Variants in STAU2 observed in about 807,000 individuals in gnomAD.
STAU2 encodes staufen double-stranded RNA binding protein 2.
In STAU2, 20 loss-of-function variants were observed where a neutral mutation model predicts 65.9. The ratio of observed to expected loss-of-function variants is 0.30; its 90% confidence interval spans 0.21 to 0.44. The LOEUF is 0.44. Among genes scored for constraint, STAU2 ranks in the 20% least tolerant of loss-of-function variants. The pLI, the probability that STAU2 is intolerant of heterozygous loss-of-function variation, is 1.00. For synonymous variants in STAU2, 232 were observed against 233.9 expected (o/e 0.99, Z 0.07); for missense variants, 558 against 683.9 (o/e 0.82, Z 2.05).
intron 13 of STAU2, among the ~76,000 whole-genome samples, chr8:73,463,707 T>C (rs1819498254): frequency 6.6e-6 from 1 of 152,218 alleles, no homozygotes; most frequent in South Asian, 2.1e-4. Flanking sequence ...AAACAGGAAA[T>C]TTCCTCTGTT....
intron 13 of STAU2, among the ~76,000 whole-genome samples, chr8:73,446,873 A>G (rs571935229): frequency 3.9e-5 from 6 of 152,270 alleles, no homozygotes; most frequent in East Asian, 1.9e-4. Flanking sequence ...ATCAACTCCA[A>G]TCTCATGTCA....
At chr8:73,501,345 T>TA (rs1157261765) in intron 13 of STAU2, among the ~76,000 whole-genome samples, 1 of 151,950 alleles carries the variant, frequency 6.6e-6, no homozygotes, top group Non-Finnish European at 1.5e-5. Flanking sequence ...TACATCTCTA[T>TA]ACAAAGAAAA....
At chr8:73,613,679 C>T (rs1586123882) in intron 9 of STAU2, 65 bp downstream of exon 9, 1 of 1,278,296 alleles carries the variant, frequency 7.8e-7, no homozygotes, top group Non-Finnish European at 1.1e-6. Context: ...TAGAAAAATG[C>T]TTATCTATAG....
chr8:73,541,563 A>T (rs1806546471), intron 13 of STAU2, among the ~76,000 whole-genome samples: 1 of 152,244 alleles, frequency 6.6e-6, no homozygotes, highest in South Asian at 2.1e-4. Context: ...TGCAAAAATC[A>T]GGAAAAAGGT....
rs564294997 is a variant in STAU2, at chr8:73,664,244, A to C, written c.410+8863T>G. Among the ~76,000 whole-genome samples the C allele has an allele frequency of 2.9e-4, 44 of 152,204 alleles. No individual in the cohort carries two copies. In the South Asian group the frequency reaches 8.7e-3, roughly 30 times the overall value. On this transcript the variant is annotated intron_variant, in intron 6 of 14. Transcript: ENST00000524300. ...TGGTCATGTTTCCCAGGCTGGCCTC[A>C]AACTCCTAAGCTCAAGCAATCTGCC... is the stretch of plus-strand genomic sequence containing the variant.
intron 1 of STAU2, among the ~76,000 whole-genome samples, chr8:73,740,615 C>T (rs1806783261): frequency 6.6e-6 from 1 of 151,140 alleles, no homozygotes; most frequent in Non-Finnish European, 1.5e-5. Context: ...AACCAATCAT[C>T]TTTTTTTTTA....
intron 1 of STAU2, among the ~76,000 whole-genome samples, chr8:73,743,960 C>CG (rs1178462151): frequency 8.6e-5 from 13 of 151,200 alleles, no homozygotes; most frequent in Non-Finnish European, 1.8e-4. Context: ...TTAGTAGAGA[C>CG]GGGGTTTCAC....
rs372785052 is a variant in STAU2, at chr8:73,738,390, A to T, written c.-83-41T>A. Reference sequence around the variant, plus strand: ...GAAGAAATAAAGTTCAACTTAGCTGATAACCTCAATGACTGGTATTTTAAA... The same window carrying T: ...GAAGAAATAAAGTTCAACTTAGCTGTTAACCTCAATGACTGGTATTTTAAA... On this transcript the variant is annotated intron_variant, in intron 2 of 14. Coordinates refer to ENST00000524300, the MANE Select transcript of STAU2 (RefSeq NM_001164380.2). 715 of 1,435,370 alleles carry T rather than the reference A, an allele frequency of 5.0e-4. 1 individual carries two copies. Among genetic ancestry groups the T allele is most frequent in the Non-Finnish European group, 6.4e-4 (668 of 1,046,722 alleles). The allele number at this position is 1,435,370 out of a possible 1,614,324, so 88.9% of individuals were successfully genotyped here.
At chr8:73,635,908 C>CACA (rs1814459287) in intron 6 of STAU2, among the ~76,000 whole-genome samples, 2 of 74,878 alleles carry the variant, frequency 2.7e-5, no homozygotes, top group African/African-American at 1.4e-4. Context: ...GACCCCTGAA[C>CACA]CACACACACA....
intron 13 of STAU2, among the ~76,000 whole-genome samples, chr8:73,508,374 G>C (rs2128923059): frequency 6.6e-6 from 1 of 152,288 alleles, no homozygotes; most frequent in South Asian, 2.1e-4. Flanking sequence ...GAGATGGAGA[G>C]AGATGGGGGA....
At chr8:73,460,981 C>T (rs1372549124) in intron 13 of STAU2, among the ~76,000 whole-genome samples, 2 of 152,130 alleles carry the variant, frequency 1.3e-5, no homozygotes, top group African/African-American at 4.8e-5. Flanking sequence ...CCTCTCCTCT[C>T]TCCACACTAT....
intron 13 of STAU2, among the ~76,000 whole-genome samples, chr8:73,449,890 T>C (rs1332149160): frequency 6.6e-6 from 1 of 152,202 alleles, no homozygotes; most frequent in African/African-American, 2.4e-5. Context: ...GCAGGGTCAC[T>C]ATCTGGACCC....
intron 13 of STAU2, among the ~76,000 whole-genome samples, chr8:73,526,416 G>C (rs1805462895): frequency 6.6e-6 from 1 of 152,172 alleles, no homozygotes; most frequent in Non-Finnish European, 1.5e-5. Flanking sequence ...AACTAGAAAG[G>C]TATGTCCTTA....
intron 11 of STAU2, 144 bp from the exon 12 acceptor site, chr8:73,582,974 G>A: frequency 3.1e-6 from 2 of 636,794 alleles, no homozygotes; most frequent in Non-Finnish European, 5.4e-6. Context: ...TGGGATGATG[G>A]CTACAAAAGA....
At chr8:73,620,118 G>A (rs1813119950) in intron 6 of STAU2, among the ~76,000 whole-genome samples, 1 of 151,950 alleles carries the variant, frequency 6.6e-6, no homozygotes, top group Admixed American at 6.5e-5. Flanking sequence ...ATTCCTTAAT[G>A]CAGAAATCTG....
intron 13 of STAU2, chr8:73,439,759 C>A (rs1306311346): frequency 6.6e-6 from 1 of 152,292 alleles, no homozygotes. Flanking sequence ...TCACAGTAAC[C>A]ACAACAGGTT....
intron 13 of STAU2, among the ~76,000 whole-genome samples, chr8:73,531,626 A>T (rs1250121613): frequency 6.6e-6 from 1 of 152,234 alleles, no homozygotes; most frequent in African/African-American, 2.4e-5. Flanking sequence ...ATCAGTGTTC[A>T]TGAAACTGTG....
intron 5 of STAU2, among the ~76,000 whole-genome samples, chr8:73,684,638 A>G (rs1481925426): frequency 1.3e-5 from 2 of 152,226 alleles, no homozygotes; most frequent in Non-Finnish European, 2.9e-5. Flanking sequence ...AAGCTTCTGC[A>G]CAGTTAAATA....
Position 73,662,451 on chromosome 8 carries a change from G to A in STAU2, c.410+10656C>T, listed in dbSNP as rs1053634508. ...TAATTTCTCAATTGTTGCATGATCC[G>A]TGCTTTTTGTGTTCTAAGAAATCTT... is the stretch of plus-strand genomic sequence containing the variant. On this transcript the variant is annotated intron_variant, in intron 6 of 14. Transcript: ENST00000524300. Among the ~76,000 whole-genome samples, 10 of 152,056 alleles carry A rather than the reference G, an allele frequency of 6.6e-5. No individual in the cohort carries two copies. The East Asian group carries it at 7.7e-4, about 12-fold the overall frequency.
Sources: allele counts gnomAD v4.1 joint callset (sites outside exome capture counted in the v4.1 genomes callset), GRCh38; gene constraint gnomAD v4.1.1; transcripts MANE v1.5; gene names NCBI Gene and HGNC (gene_info 2026-07-23, HGNC 2026-07-21).